VPS37A: variants seen among roughly 807,000 people sequenced by gnomAD.
The protein encoded by VPS37A is vacuolar protein sorting-associated protein 37A.
In VPS37A, 30 loss-of-function variants were observed where a neutral mutation model predicts 49.8. The ratio of observed to expected loss-of-function variants is 0.60; its 90% CI spans 0.45 to 0.82. VPS37A has a LOEUF of 0.82. VPS37A is among the 40% of genes least tolerant of loss of function. VPS37A has a pLI of 0.00. For synonymous variants in VPS37A, 195 were observed against 160.6 expected, an observed-to-expected ratio of 1.21 and a Z score of -1.62; for missense variants, 593 against 464.4, an observed-to-expected ratio of 1.28 and a Z score of -2.55.
At chr8:17,256,339 T>C (rs558893244) in intron 1 of VPS37A, among the ~76,000 whole-genome samples, 1 of 147,908 alleles carries the variant, frequency 6.8e-6, no homozygotes, top group South Asian at 2.2e-4. Flanking sequence ...TCCCACTGTT[T>C]GTTGCCCAGA....
At chr8:17,262,617 G>A (rs1172451627) in intron 1 of VPS37A, among the ~76,000 whole-genome samples, 1 of 151,536 alleles carries the variant, frequency 6.6e-6, no homozygotes, top group East Asian at 1.9e-4. Flanking sequence ...GTTGAAAATA[G>A]TACCACTGTC....
At chr8:17,256,620 G>T (rs1013310276) in intron 1 of VPS37A, among the ~76,000 whole-genome samples, 3 of 146,462 alleles carry the variant, frequency 2.0e-5, no homozygotes, top group Non-Finnish European at 4.5e-5. Context: ...TTGTTCCTTC[G>T]CTGTGTAGGT....
At chr8:17,271,719 T>TGA (rs1295680898) in intron 4 of VPS37A, among the ~76,000 whole-genome samples, 1 of 152,216 alleles carries the variant, frequency 6.6e-6, no homozygotes, top group African/African-American at 2.4e-5. Context: ...GTGAGGCTGC[T>TGA]GAGAGACAAT....
At chr8:17,269,226 A>G (rs976405287) in intron 4 of VPS37A, among the ~76,000 whole-genome samples, 7 of 152,288 alleles carry the variant, frequency 4.6e-5, no homozygotes, top group African/African-American at 1.7e-4. Context: ...TAATAGATGA[A>G]GATTTCAGCT....
At chr8:17,262,043 TCTTA>T (rs1447017690) in intron 1 of VPS37A, among the ~76,000 whole-genome samples, 1 of 152,178 alleles carries the variant, frequency 6.6e-6, no homozygotes, top group Non-Finnish European at 1.5e-5. Context: ...TTCACCTCGA[TCTTA>T]CTTTTTCCAG....
chr8:17,308,624 C>T, the VPS37A span, among the ~76,000 whole-genome samples: 1 of 152,252 alleles, frequency 6.6e-6, no homozygotes, highest in South Asian at 2.1e-4. Context: ...ACAGCTATAC[C>T]ATTTAAGATT....
At chr8:17,308,456 T>C in the VPS37A span, among the ~76,000 whole-genome samples, 3 of 152,302 alleles carry the variant, frequency 2.0e-5, no homozygotes, top group East Asian at 5.8e-4. Context: ...GAATTAGTGA[T>C]CAATTAATGC....
intron 11 of VPS37A, among the ~76,000 whole-genome samples, chr8:17,287,558 G>A (rs1199039858): frequency 2.6e-5 from 4 of 151,828 alleles, no homozygotes; most frequent in Admixed American, 6.6e-5. Flanking sequence ...GGCACCTGTA[G>A]TCTCAGCTAC....
chr8:17,263,238 G>C (rs1813126949), intron 1 of VPS37A, among the ~76,000 whole-genome samples: 1 of 151,756 alleles, frequency 6.6e-6, no homozygotes. Flanking sequence ...TGTTTACAGT[G>C]GTTTTTTGGC....
At chr8:17,267,315 C>G (rs1027483255) in intron 2 of VPS37A, among the ~76,000 whole-genome samples, 6 of 152,192 alleles carry the variant, frequency 3.9e-5, no homozygotes, top group Admixed American at 3.3e-4. Context: ...GTTGTCTGAA[C>G]CATCAGGGGA....
downstream of VPS37A, chr8:17,304,378 C>T: frequency 6.2e-7 from 1 of 1,611,174 alleles, no homozygotes; most frequent in East Asian, 2.2e-5. Context: ...GATTTACATA[C>T]TTGTACATGA....
chr8:17,249,891 A>G (rs1028119002), intron 1 of VPS37A, among the ~76,000 whole-genome samples: 13 of 152,214 alleles, frequency 8.5e-5, no homozygotes, highest in African/African-American at 2.4e-4. Context: ...ATTAGGTTCA[A>G]TGAAGAATGG....
intron 1 of VPS37A, among the ~76,000 whole-genome samples, chr8:17,262,539 C>A (rs560685993): frequency 6.6e-6 from 1 of 151,422 alleles, no homozygotes; most frequent in African/African-American, 2.4e-5. Flanking sequence ...TTTAAATTTT[C>A]TCTTGTGGTG....
chr8:17,322,755 T>TCAG, the VPS37A span, among the ~76,000 whole-genome samples: 6 of 151,884 alleles, frequency 4.0e-5, no homozygotes, highest in African/African-American at 1.5e-4. Context: ...AGCCCAGGAG[T>TCAG]CAGAGGCTGC....
intron 11 of VPS37A, among the ~76,000 whole-genome samples, chr8:17,287,046 C>G (rs1227472327): frequency 6.6e-6 from 1 of 152,140 alleles, no homozygotes; most frequent in Non-Finnish European, 1.5e-5. Context: ...TTTGCATTTT[C>G]CCCTTACATT....
At chr8:17,329,377 C>T in the VPS37A span, among the ~76,000 whole-genome samples, 2 of 152,210 alleles carry the variant, frequency 1.3e-5, no homozygotes, top group Non-Finnish European at 2.9e-5. Context: ...CTGCACGTAG[C>T]TGGAAAAGTT....
At chr8:17,290,923 C>T (rs1816080441) in intron 11 of VPS37A, among the ~76,000 whole-genome samples, 1 of 152,100 alleles carries the variant, frequency 6.6e-6, no homozygotes, top group African/African-American at 2.4e-5. Context: ...GGAATTTATC[C>T]ATTTCTTCTA....
At chr8:17,250,513 G>A (rs756602) in intron 1 of VPS37A, among the ~76,000 whole-genome samples, 2 of 152,156 alleles carry the variant, frequency 1.3e-5, no homozygotes, top group East Asian at 1.9e-4. Flanking sequence ...CTCATGTTTC[G>A]TTTTATGTCT....
the VPS37A span, among the ~76,000 whole-genome samples, chr8:17,322,787 T>G: frequency 6.6e-6 from 1 of 152,098 alleles, no homozygotes; most frequent in African/African-American, 2.4e-5. Context: ...GTTGCATCAC[T>G]GCACTTCAGC....
Sources: allele counts gnomAD v4.1 joint callset (sites outside exome capture counted in the v4.1 genomes callset), GRCh38; gene constraint gnomAD v4.1.1; transcripts MANE v1.5; gene names NCBI Gene and HGNC (gene_info 2026-07-23, HGNC 2026-07-21).